The following OR4Q3 variants were observed in gnomAD, a reference collection of about 807,000 sequenced individuals.
OR4Q3 encodes olfactory receptor family 4 subfamily Q member 3.
Under a neutral mutation model 18.8 loss-of-function variants are expected in OR4Q3, and 17 were observed. That is an observed-to-expected ratio of 0.91 (90% CI 0.62 to 1.36). The LOEUF is 1.36. Ranked by LOEUF, OR4Q3 falls within the 40% of genes most tolerant of loss-of-function variation. The probability of loss-of-function intolerance (pLI) is 0.00; values close to 1 mark genes in which losing one functional copy is unlikely to be tolerated. For missense variants in OR4Q3, 378 were observed against 373.4 expected, an observed-to-expected ratio of 1.01 and a Z score of -0.10; for synonymous variants, 158 against 145.8, an observed-to-expected ratio of 1.08 and a Z score of -0.60.
Position 19,748,035 on chromosome 14 carries a change from A to G in OR4Q3, c.632A>G (p.Asn211Ser). 2.5e-6 allele frequency: 4 copies of G among 1,614,026 alleles called. No homozygotes were observed. The South Asian group carries it at 3.3e-5, about 13-fold the overall frequency. Reference sequence around the variant, plus strand: ...GTGGTAGAGGTGCTGGTGATAGCCAACAGTGGTCTGCTGTCTCTTGTCTGC... The same window carrying G: ...GTGGTAGAGGTGCTGGTGATAGCCAGCAGTGGTCTGCTGTCTCTTGTCTGC... The change falls in exon 2 of 2, where the codon AAC (asparagine) becomes AGC (serine). Residue 211 changes from asparagine (N) to serine (S), a missense_variant. Coordinates refer to ENST00000642117, the Ensembl canonical transcript of OR4Q3.
Position 19,748,320 on chromosome 14 carries a change from C to T in OR4Q3, c.917C>T (p.Ala306Val). 12 of 1,613,062 alleles carry T rather than the reference C, an allele frequency of 7.4e-6. No individual in the cohort carries two copies. Among genetic ancestry groups the T allele is most frequent in the African/African-American group, 4.0e-5 (3 of 74,920 alleles). The stretch of plus-strand genomic sequence containing the variant: ...CTCAGAAATACTGATATGAAGACAG[C>T]TATGAAGAAGCTGAGGATAAAACCA... The change falls in exon 2 of 2, where the codon GCT becomes GTT. Residue 306 changes from alanine (A) to valine (V), a missense_variant. By Grantham distance (64) the Ala-to-Val change is moderately conservative. Transcript: ENST00000642117.
At chr14:19,750,911 C>T, downstream of OR4Q3, among the ~76,000 whole-genome samples, 1 of 152,144 alleles carries the variant, frequency 6.6e-6, no homozygotes, top group Admixed American at 6.5e-5. Context: ...GTATGATATC[C>T]CGAAGATAAT....
chr14:19,751,630 G>A, downstream of OR4Q3, among the ~76,000 whole-genome samples: 1 of 151,900 alleles, frequency 6.6e-6, no homozygotes, highest in Non-Finnish European at 1.5e-5. Context: ...AGATTGTGTT[G>A]TTCCAGGAAT....
At chr14:19,752,231 A>G, downstream of OR4Q3, among the ~76,000 whole-genome samples, 1 of 152,228 alleles carries the variant, frequency 6.6e-6, no homozygotes, top group African/African-American at 2.4e-5. Context: ...GGGGAAACAG[A>G]CAACTTACCG....
intron 1 of OR4Q3, 107 bp downstream of exon 1, chr14:19,743,778 T>G: frequency 6.6e-6 from 1 of 151,134 alleles, no homozygotes; most frequent in East Asian, 1.9e-4. Flanking sequence ...CTCTATATAC[T>G]CTGGCATTGA....
At chr14:19,751,102 T>G, downstream of OR4Q3, among the ~76,000 whole-genome samples, 9 of 152,354 alleles carry the variant, frequency 5.9e-5, no homozygotes, top group East Asian at 1.7e-3. Flanking sequence ...GCAAAATGTA[T>G]AGTCTTGGCA....
exon 2 of OR4Q3, chr14:19,748,483 C>T: frequency 1.3e-6 from 1 of 796,420 alleles, no homozygotes; most frequent in African/African-American, 1.8e-5. Flanking sequence ...GAGGAGATAG[C>T]ATAAAGATTA....
chr14:19,745,549 AC>A, intron 1 of OR4Q3, among the ~76,000 whole-genome samples: 2 of 152,052 alleles, frequency 1.3e-5, no homozygotes, highest in African/African-American at 2.4e-5. Flanking sequence ...GCTTCTAGAA[AC>A]CTTTTTTAAT....
At chr14:19,747,724 G>A in exon 2 of OR4Q3, 8 of 1,613,818 alleles carry the variant, frequency 5.0e-6, no homozygotes, top group Non-Finnish European at 5.9e-6. Flanking sequence ...CAGGATGCCT[G>A]GCCCAGATCT....
At position 19,747,710 on chromosome 14, in the gene OR4Q3, T is replaced by C; in HGVS notation, c.307T>C (p.Phe103Leu). 3 of 1,613,924 alleles carry C rather than the reference T, an allele frequency of 1.9e-6. No individual in the cohort carries two copies. In the South Asian group the frequency reaches 3.3e-5, roughly 18 times the overall value. Residue 103 changes from phenylalanine (F) to leucine (L), a missense_variant, in exon 2 of 2, where the codon TTT (phenylalanine) becomes CTT (leucine). Transcript: ENST00000642117. ...CCTACAGCAGGGCAAGAGCATCTCT[T>C]TTTCAGGATGCCTGGCCCAGATCTA...
downstream of OR4Q3, among the ~76,000 whole-genome samples, chr14:19,750,371 A>T: frequency 6.6e-6 from 1 of 152,248 alleles, no homozygotes. Flanking sequence ...TATATTTAAG[A>T]TTATCCATCT....
chr14:19,750,273 C>G, downstream of OR4Q3, among the ~76,000 whole-genome samples: 388 of 152,252 alleles, frequency 2.5e-3, no homozygotes, highest in African/African-American at 9.0e-3. Flanking sequence ...GCATGAGCCA[C>G]GACACCCGGC....
intron 1 of OR4Q3, among the ~76,000 whole-genome samples, chr14:19,744,195 T>G (rs1877377464): frequency 1.3e-5 from 2 of 152,202 alleles, no homozygotes; most frequent in Admixed American, 6.6e-5. Flanking sequence ...ACTAATGGTG[T>G]GTCCACTTCT....
At chr14:19,749,908 TTTTTCTTTCTTTCTTTCTC>T, downstream of OR4Q3, among the ~76,000 whole-genome samples, 1 of 7,302 alleles carries the variant, frequency 1.4e-4, no homozygotes, top group Non-Finnish European at 6.6e-4. Flanking sequence ...CTTTCTTTCT[TTTTTCTTTCTTTCTTTCTC>T]TCTCTCTTTC....
downstream of OR4Q3, among the ~76,000 whole-genome samples, chr14:19,751,029 T>C: frequency 6.6e-6 from 1 of 152,236 alleles, no homozygotes; most frequent in East Asian, 1.9e-4. Context: ...GACATAGAGC[T>C]CCAGGCTTTC....
intron 1 of OR4Q3, among the ~76,000 whole-genome samples, chr14:19,745,333 T>C: frequency 6.6e-6 from 1 of 152,212 alleles, no homozygotes; most frequent in Non-Finnish European, 1.5e-5. Context: ...TTATTTAATC[T>C]ATCCTTCTGA....
chr14:19,747,928 G>T, exon 2 of OR4Q3: 7 of 1,613,998 alleles, frequency 4.3e-6, no homozygotes, highest in Non-Finnish European at 5.9e-6. Context: ...TCATCCAGCT[G>T]CCTTTCTGTG....
At chr14:19,749,810 C>CTT, downstream of OR4Q3, among the ~76,000 whole-genome samples, 16,984 of 116,936 alleles carry the variant, frequency 0.15, 578 homozygotes, top group South Asian at 0.26. Flanking sequence ...CTCTTTCTCT[C>CTT]TATTTCTTAG....
chr14:19,747,847 G>A, exon 2 of OR4Q3: 2 of 1,608,044 alleles, frequency 1.2e-6, no homozygotes, highest in Non-Finnish European at 1.7e-6. Context: ...TGAACCCCCA[G>A]CTATGCCTTT....
Sources: gnomAD v4.1 joint callset for allele counts (sites outside exome capture counted in the v4.1 genomes callset) on GRCh38, gnomAD v4.1.1 for gene constraint, MANE v1.5 for transcripts, NCBI Gene and HGNC (gene_info 2026-07-23, HGNC 2026-07-21) for gene names.